KIF13B: variants seen among roughly 807,000 people sequenced by gnomAD.
KIF13B encodes kinesin-like protein KIF13B.
Under a neutral mutation model 222.0 loss-of-function variants are expected in KIF13B, and 127 were observed. The ratio of observed to expected loss-of-function variants is 0.57; its 90% CI spans 0.50 to 0.66. The LOEUF (loss-of-function observed/expected upper bound fraction) is 0.66. Ranked by LOEUF, KIF13B falls within the 30% of genes least tolerant of loss-of-function variation. The pLI is 0.00. For synonymous variants in KIF13B, 976 were observed against 919.0 expected, an observed-to-expected ratio of 1.06 and a Z score of -1.12; for missense variants, 2,173 against 2,379.0, an observed-to-expected ratio of 0.91 and a Z score of 1.80.
chr8:29,119,106 T>C, intron 29 of KIF13B, 114 bp from the exon 30 acceptor site: 2 of 1,141,822 alleles, frequency 1.8e-6, no homozygotes, highest in East Asian at 4.8e-5. Flanking sequence ...ATTTGCTTTT[T>C]GCTCTGAAAT....
intron 9 of KIF13B, among the ~76,000 whole-genome samples, chr8:29,177,216 A>T (rs1812519477): frequency 2.0e-5 from 3 of 151,464 alleles, no homozygotes; most frequent in Admixed American, 1.3e-4. Flanking sequence ...AAAGCACAGC[A>T]TCACCCCTCC....
intron 36 of KIF13B, among the ~76,000 whole-genome samples, chr8:29,094,946 T>C (rs1170058189): frequency 3.0e-5 from 4 of 132,640 alleles, no homozygotes; most frequent in African/African-American, 1.1e-4. Flanking sequence ...AAAAAAATTA[T>C]CCAACTAGAA....
chr8:29,165,847 CA>C (rs1386634781), intron 11 of KIF13B, 75 bp from the exon 12 acceptor site: 2 of 977,202 alleles, frequency 2.0e-6, no homozygotes, highest in Non-Finnish European at 3.2e-6. Flanking sequence ...TCTAAAAGGA[CA>C]AAAGTAACAA....
At chr8:29,119,212 T>C (rs1220996071) in intron 29 of KIF13B, among the ~76,000 whole-genome samples, 1 of 152,242 alleles carries the variant, frequency 6.6e-6, no homozygotes, top group Non-Finnish European at 1.5e-5. Flanking sequence ...GCTACACTTA[T>C]GCCTTATTTT....
intron 2 of KIF13B, among the ~76,000 whole-genome samples, chr8:29,217,020 C>G (rs184766238): frequency 1.4e-4 from 21 of 152,156 alleles, no homozygotes; most frequent in Non-Finnish European, 2.9e-4. Context: ...AATACTTATT[C>G]CTCGTTCCTC....
At chr8:29,139,503 C>T (rs1206522636) in intron 21 of KIF13B, among the ~76,000 whole-genome samples, 1 of 152,148 alleles carries the variant, frequency 6.6e-6, no homozygotes, top group African/African-American at 2.4e-5. Context: ...GTAACTGAAA[C>T]ACCAGAAGCC....
intron 15 of KIF13B, among the ~76,000 whole-genome samples, chr8:29,149,313 T>G (rs1337038894): frequency 6.6e-6 from 1 of 152,224 alleles, no homozygotes; most frequent in Non-Finnish European, 1.5e-5. Context: ...ATGCTCTTTG[T>G]GCCCATCTAC....
At chr8:29,238,630 T>C (rs1050603194) in intron 2 of KIF13B, among the ~76,000 whole-genome samples, 9 of 152,158 alleles carry the variant, frequency 5.9e-5, no homozygotes, top group Admixed American at 3.3e-4. Flanking sequence ...ACATGGGGGA[T>C]GGAGAGGGCA....
intron 31 of KIF13B, 129 bp downstream of exon 31, chr8:29,116,702 G>A (rs767185545): frequency 1.6e-5 from 12 of 768,128 alleles, no homozygotes; most frequent in Non-Finnish European, 2.3e-5. Flanking sequence ...GACAGCAGCA[G>A]TCACCTGGAA....
intron 7 of KIF13B, 98 bp downstream of exon 7, chr8:29,181,821 T>C: frequency 1.4e-6 from 1 of 711,350 alleles, no homozygotes; most frequent in African/African-American, 1.8e-5. Context: ...GATGCTATTA[T>C]ATATGCAATT....
At chr8:29,136,235 T>C (rs938078304) in intron 21 of KIF13B, among the ~76,000 whole-genome samples, 4 of 152,138 alleles carry the variant, frequency 2.6e-5, no homozygotes, top group African/African-American at 9.7e-5. Context: ...GGCACGGCAA[T>C]ATGGCATTTG....
chr8:29,191,136 A>G, intron 3 of KIF13B, 79 bp from the exon 4 acceptor site: 1 of 1,091,238 alleles, frequency 9.2e-7, no homozygotes, highest in East Asian at 2.4e-5. Flanking sequence ...ACTGTTCATA[A>G]TAGTGAAATA....
chr8:29,247,753 G>A (rs893007975), intron 1 of KIF13B, among the ~76,000 whole-genome samples: 3 of 147,702 alleles, frequency 2.0e-5, no homozygotes, highest in Non-Finnish European at 4.4e-5. Flanking sequence ...AGGATGGCTT[G>A]AGGCAGGGAG....
At chr8:29,127,394 T>C (rs1390606379) in intron 24 of KIF13B, 126 bp from the exon 25 acceptor site, 2 of 642,988 alleles carry the variant, frequency 3.1e-6, no homozygotes, top group East Asian at 2.7e-5. Flanking sequence ...TATACCTTAT[T>C]GTTAAGCATT....
rs1807074114 is a variant in KIF13B, at chr8:29,067,962, G to A, written c.*2542C>T. Reference sequence around the variant, plus strand: ...TCTGCTGCTGGACGCAGTGCCCGGGGCAGAAGTGAGCCTTCTCACCCTGGA... The same window carrying A: ...TCTGCTGCTGGACGCAGTGCCCGGGACAGAAGTGAGCCTTCTCACCCTGGA... On this transcript the variant is annotated 3_prime_UTR_variant, in exon 40 of 40. Coordinates refer to ENST00000524189, the MANE Select transcript of KIF13B (RefSeq NM_015254.4). 1 of 152,386 alleles carries A rather than the reference G, an allele frequency of 6.6e-6. No individual in the cohort carries two copies. Among genetic ancestry groups the A allele is most frequent in the African/African-American group, 2.4e-5 (1 of 41,440 alleles). 9.4% of individuals were successfully genotyped at this position (152,386 alleles called of 1,614,324 possible).
chr8:29,157,489 A>G (rs1235205821), intron 13 of KIF13B, among the ~76,000 whole-genome samples: 7 of 151,840 alleles, frequency 4.6e-5, no homozygotes, highest in African/African-American at 1.7e-4. Flanking sequence ...GATCACTCAA[A>G]GTCAGGAGTT....
At chr8:29,224,525 T>C (rs1037411323) in intron 2 of KIF13B, among the ~76,000 whole-genome samples, 1 of 152,246 alleles carries the variant, frequency 6.6e-6, no homozygotes, top group African/African-American at 2.4e-5. Context: ...AGCTGTGATT[T>C]GTATTGGTGA....
chr8:29,198,559 G>A (rs897858710), intron 2 of KIF13B, among the ~76,000 whole-genome samples: 3 of 152,162 alleles, frequency 2.0e-5, no homozygotes, highest in African/African-American at 4.8e-5. Context: ...TTGATCTCAA[G>A]TGATCCGCCC....
intron 24 of KIF13B, among the ~76,000 whole-genome samples, chr8:29,127,675 C>T (rs947682950): frequency 2.6e-5 from 4 of 152,110 alleles, no homozygotes; most frequent in East Asian, 1.9e-4. Context: ...CCTACATTTA[C>T]GAAACAATTT....
Sources: gnomAD v4.1 joint callset for allele counts (sites outside exome capture counted in the v4.1 genomes callset) on GRCh38, gnomAD v4.1.1 for gene constraint, MANE v1.5 for transcripts, NCBI Gene and HGNC (gene_info 2026-07-23, HGNC 2026-07-21) for gene names.